USP32: variants seen among roughly 807,000 people sequenced by gnomAD.
USP32 encodes ubiquitin specific peptidase 32.
USP32 carries 59 observed loss-of-function variants against 204.8 expected under a neutral mutation model. That is an observed-to-expected ratio of 0.29 (90% CI 0.23 to 0.36). The LOEUF is 0.36. Ranked by LOEUF, USP32 falls within the 10% of genes least tolerant of loss-of-function variation. USP32 has a pLI of 1.00. For synonymous variants in USP32, 517 were observed against 678.4 expected, an observed-to-expected ratio of 0.76 and a Z score of 3.70; for missense variants, 1,160 against 1,946.4, an observed-to-expected ratio of 0.60 and a Z score of 7.60.
Position 60,207,100 on chromosome 17 carries a change from G to A in USP32, c.2958C>T (p.Leu986=). ...NFPQDNQKVR[L]SVSGFLCAFE... is the part of the protein sequence containing the mutation. The stretch of plus-strand genomic sequence containing the variant: ...ATGCACACAAAAATCCACTCACTGA[G>A]AGTCGTACTTTTTGGTTGTCCTGAG... Residue 986 remains leucine (L), a synonymous_variant, in exon 25 of 34, where the codon CTC becomes CTT. Transcript: ENST00000300896. 1 of 1,613,032 alleles carries A rather than the reference G, an allele frequency of 6.2e-7. No individual in the cohort carries two copies. The highest frequency in any genetic ancestry group is 8.5e-7 in the Non-Finnish European group (1 of 1,179,368).
intron 13 of USP32, among the ~76,000 whole-genome samples, chr17:60,223,893 G>A (rs552953427): frequency 1.3e-5 from 2 of 152,310 alleles, no homozygotes; most frequent in South Asian, 4.1e-4. Context: ...GGGCTAAGTG[G>A]CTGGGCTTCT....
intron 11 of USP32, chr17:60,249,591 T>C: frequency 1.7e-6 from 1 of 586,756 alleles, no homozygotes. Context: ...CTCCTTCAAA[T>C]CATGAATCAG....
At position 60,202,443 on chromosome 17, in the gene USP32, TCACA is replaced by T. The variant is rs377613629; in HGVS notation, c.3249+3000_3249+3003del. Among the ~76,000 whole-genome samples, 377 of 140,706 alleles carry T rather than the reference TCACA, an allele frequency of 2.7e-3. 1 individual carries two copies. Among genetic ancestry groups the T allele is most frequent in the East Asian group, 8.6e-3 (42 of 4,866 alleles). The allele number at this position is 140,706 out of a possible 152,430, so 92.3% of individuals were successfully genotyped here. A position where few individuals can be genotyped will look rare whatever the true frequency, so the allele number is the denominator to read the frequency against. ...CACATATGAGAATCAGCTTATCAAA[TCACA>T]CACACACACACACACACACACACAC... On this transcript the variant is annotated intron_variant, in intron 26 of 33. Transcript: ENST00000300896.
At chr17:60,292,203 T>C (rs1188357139) in intron 4 of USP32, among the ~76,000 whole-genome samples, 1 of 152,132 alleles carries the variant, frequency 6.6e-6, no homozygotes. Flanking sequence ...GGCTATTTCT[T>C]AGTGGTCTGT....
intron 1 of USP32, among the ~76,000 whole-genome samples, chr17:60,350,147 G>A (rs117264305): frequency 0.038 from 5,786 of 151,788 alleles, 181 homozygotes; most frequent in Non-Finnish European, 0.052. Flanking sequence ...CAAGTAGGTG[G>A]GACCACAGGC....
At chr17:60,192,152 A>AC (rs2084399950) in intron 28 of USP32, among the ~76,000 whole-genome samples, 1 of 151,908 alleles carries the variant, frequency 6.6e-6, no homozygotes, top group Non-Finnish European at 1.5e-5. Context: ...TTAGCTGGGT[A>AC]CAGTGGTGTG....
chr17:60,255,140 C>T (rs776827551), intron 10 of USP32, 35 bp downstream of exon 10: 12 of 1,508,188 alleles, frequency 8.0e-6, no homozygotes, highest in African/African-American at 1.4e-5. Flanking sequence ...ACTGGTACTA[C>T]TACCCTCTGT....
chr17:60,239,678 TTTA>T (rs2085825954), intron 11 of USP32, among the ~76,000 whole-genome samples: 1 of 152,218 alleles, frequency 6.6e-6, no homozygotes, highest in Non-Finnish European at 1.5e-5. Context: ...ATACTTTCTC[TTTA>T]TTGATACTCT....
chr17:60,293,331 A>C (rs551715985), intron 4 of USP32, among the ~76,000 whole-genome samples: 1 of 152,356 alleles, frequency 6.6e-6, no homozygotes, highest in East Asian at 1.9e-4. Flanking sequence ...AAAAGAAAAG[A>C]GTATTAATGT....
chr17:60,405,794 A>C (rs915129535), intron 1 of USP32, among the ~76,000 whole-genome samples: 13 of 152,200 alleles, frequency 8.5e-5, no homozygotes, highest in African/African-American at 3.1e-4. Context: ...TAAATAAATA[A>C]AAGGCACCTC....
At chr17:60,270,566 G>A (rs2086700440) in intron 6 of USP32, among the ~76,000 whole-genome samples, 1 of 152,146 alleles carries the variant, frequency 6.6e-6, no homozygotes, top group African/African-American at 2.4e-5. Flanking sequence ...GCTCACGCCT[G>A]TAATCCCAGC....
At chr17:60,342,892 C>T (rs551986954) in intron 2 of USP32, among the ~76,000 whole-genome samples, 97 of 152,312 alleles carry the variant, frequency 6.4e-4, no homozygotes, top group African/African-American at 2.1e-3. Context: ...GGTGAGGCAA[C>T]GCCCCACCCT....
At chr17:60,232,015 G>A (rs1300231545) in intron 12 of USP32, among the ~76,000 whole-genome samples, 1 of 152,032 alleles carries the variant, frequency 6.6e-6, no homozygotes. Flanking sequence ...AGTCTTGCCA[G>A]TATTTGAAAC....
Position 60,329,484 on chromosome 17 carries a change from T to A in USP32, c.186+15997A>T, listed in dbSNP as rs112346360. ...CATTATAATTTGTTTTTATTTATTT[T>A]TTTTTTTTGAGATGAGGTCTCACTA... On this transcript the variant is annotated intron_variant, in intron 2 of 33. Transcript: ENST00000300896. 1.7e-3 allele frequency among the ~76,000 whole-genome samples: 255 copies of A among 150,950 alleles called. 2 individuals carry two copies. Among genetic ancestry groups the A allele is most frequent in the African/African-American group, 4.9e-3 (198 of 40,502 alleles).
In USP32 at chr17:60,187,295, G is replaced by C. The variant is rs183430771; in HGVS notation, c.3643-1644C>G. Reference sequence around the variant, plus strand: ...GCACTGCATAACTATCCAGGCTAAAGAGCTCATTTAAAAAGGGGAACTTAG... The same window carrying C: ...GCACTGCATAACTATCCAGGCTAAACAGCTCATTTAAAAAGGGGAACTTAG... On this transcript the variant is annotated intron_variant, in intron 29 of 33. Coordinates refer to ENST00000300896, the MANE Select transcript of USP32 (RefSeq NM_032582.4). Among the ~76,000 whole-genome samples, 269 of 152,288 alleles carry C rather than the reference G, an allele frequency of 1.8e-3. 2 individuals carry two copies. Among genetic ancestry groups the C allele is most frequent in the Middle Eastern group, 6.8e-3 (2 of 294 alleles).
At chr17:60,263,829 G>A (rs1367537374) in intron 9 of USP32, among the ~76,000 whole-genome samples, 1 of 152,102 alleles carries the variant, frequency 6.6e-6, no homozygotes, top group Non-Finnish European at 1.5e-5. Flanking sequence ...TCAGTTAATA[G>A]GGCCATTAAC....
At chr17:60,294,471 G>A (rs144349438) in intron 4 of USP32, among the ~76,000 whole-genome samples, 1 of 151,814 alleles carries the variant, frequency 6.6e-6, no homozygotes, top group Non-Finnish European at 1.5e-5. Flanking sequence ...ATGAATAGTT[G>A]CCTTTACAGT....
At chr17:60,354,057 G>T (rs2089014351) in intron 1 of USP32, among the ~76,000 whole-genome samples, 1 of 152,118 alleles carries the variant, frequency 6.6e-6, no homozygotes, top group Admixed American at 6.5e-5. Context: ...TGTGTGAAAT[G>T]CATGAAATTA....
chr17:60,232,374 T>C (rs1397710988), intron 12 of USP32, among the ~76,000 whole-genome samples: 2 of 151,256 alleles, frequency 1.3e-5, no homozygotes, highest in East Asian at 3.9e-4. Context: ...GGTTTCACCA[T>C]GTTGGCCAGG....
Sources: gnomAD v4.1 joint callset for allele counts (sites outside exome capture counted in the v4.1 genomes callset) on GRCh38, gnomAD v4.1.1 for gene constraint, MANE v1.5 for transcripts, NCBI Gene and HGNC (gene_info 2026-07-23, HGNC 2026-07-21) for gene names.